MARCHF4: variants seen among roughly 807,000 people sequenced by gnomAD.
MARCHF4 encodes the protein E3 ubiquitin-protein ligase MARCHF4.
In MARCHF4, 14 loss-of-function variants were observed where a neutral mutation model predicts 43.9. The observed-to-expected ratio is 0.32, with a 90% CI of 0.21 to 0.50. The LOEUF (loss-of-function observed/expected upper bound fraction) is 0.50, where lower values mean the gene tolerates loss of function less well. MARCHF4 is among the 20% of genes least tolerant of loss of function. The pLI, the probability that MARCHF4 is intolerant of heterozygous loss-of-function variation, is 0.98. For synonymous variants in MARCHF4, 226 were observed against 213.3 expected, an observed-to-expected ratio of 1.06 and a Z score of -0.52; for missense variants, 468 against 536.7, an observed-to-expected ratio of 0.87 and a Z score of 1.27.
chr2:216,358,992 G>A (rs1334601288), intron 1 of MARCHF4, among the ~76,000 whole-genome samples: 2 of 152,190 alleles, frequency 1.3e-5, no homozygotes, highest in Non-Finnish European at 2.9e-5. Flanking sequence ...CTTCACTCAA[G>A]AATACCCTCA....
Position 216,302,520 on chromosome 2 carries a change from G to A in MARCHF4, c.517-18791C>T, listed in dbSNP as rs142263124. On this transcript the variant is annotated intron_variant, in intron 1 of 3. Coordinates refer to ENST00000273067, the MANE Select transcript of MARCHF4 (RefSeq NM_020814.3). ...TGGGATTACAGGCATGAGCCACTGCGCCTGGCTATTTTCAAATTTTTATTG... is the reference window on the plus strand; with the variant it reads ...TGGGATTACAGGCATGAGCCACTGCACCTGGCTATTTTCAAATTTTTATTG... Among the ~76,000 whole-genome samples, 302 of 151,900 alleles carry A rather than the reference G, an allele frequency of 2.0e-3. 3 individuals are homozygous for A. The highest frequency in any genetic ancestry group is 7.1e-3 in the African/African-American group (293 of 41,398).
chr2:216,326,146 C>T (rs1375125990), intron 1 of MARCHF4, among the ~76,000 whole-genome samples: 105 of 150,910 alleles, frequency 7.0e-4, no homozygotes, highest in Non-Finnish European at 1.3e-3. Context: ...AAAAAGTGGG[C>T]GAAGGACATG....
At chr2:216,324,926 A>G (rs1691963866) in intron 1 of MARCHF4, among the ~76,000 whole-genome samples, 1 of 150,454 alleles carries the variant, frequency 6.6e-6, no homozygotes, top group Admixed American at 6.6e-5. Context: ...GCCCTCTCTC[A>G]CCACTCCTAT....
At chr2:216,283,995 C>T (rs1000115392) in intron 1 of MARCHF4, among the ~76,000 whole-genome samples, 5 of 152,118 alleles carry the variant, frequency 3.3e-5, no homozygotes, top group Non-Finnish European at 2.9e-5. Flanking sequence ...TAAGGTTCTA[C>T]GAACATGAGC....
rs563214472 is a variant in MARCHF4, at chr2:216,345,851, C to T, written c.516+23894G>A. 4.6e-5 allele frequency among the ~76,000 whole-genome samples: 7 copies of T among 152,236 alleles called. No individual in the cohort carries two copies. The East Asian group carries it at 1.4e-3, about 29-fold the overall frequency. On this transcript the variant is annotated intron_variant, in intron 1 of 3. Coordinates refer to ENST00000273067, the MANE Select transcript of MARCHF4 (RefSeq NM_020814.3). ...CCACTGAAGCCTGAGAAGCTCTATG[C>T]TAGAGAACTAACCTCTTAAATCCAC...
At chr2:216,334,692 G>A (rs1692132823) in intron 1 of MARCHF4, among the ~76,000 whole-genome samples, 1 of 152,164 alleles carries the variant, frequency 6.6e-6, no homozygotes, top group Non-Finnish European at 1.5e-5. Flanking sequence ...TGAGCCACCA[G>A]TGCGCCTGGC....
At chr2:216,336,681 A>AAATTG (rs1692160799) in intron 1 of MARCHF4, among the ~76,000 whole-genome samples, 1 of 146,770 alleles carries the variant, frequency 6.8e-6, no homozygotes, top group Non-Finnish European at 1.5e-5. Flanking sequence ...AGATCGATTC[A>AAATTG]GTGTTGGTAA....
intron 1 of MARCHF4, among the ~76,000 whole-genome samples, chr2:216,348,843 T>A (rs1692359299): frequency 6.6e-6 from 1 of 152,122 alleles, no homozygotes; most frequent in Admixed American, 6.5e-5. Context: ...ATCAGGAAAT[T>A]ATGGTACACA....
At chr2:216,281,937 T>C (rs1357796585) in intron 2 of MARCHF4, among the ~76,000 whole-genome samples, 1 of 152,190 alleles carries the variant, frequency 6.6e-6, no homozygotes, top group African/African-American at 2.4e-5. Flanking sequence ...TATCCCTAAA[T>C]GCATTTTCAC....
intron 1 of MARCHF4, among the ~76,000 whole-genome samples, chr2:216,350,591 T>C (rs1314471108): frequency 6.6e-6 from 1 of 152,122 alleles, no homozygotes; most frequent in Non-Finnish European, 1.5e-5. Context: ...GACCACCTTG[T>C]TTGACAGGTG....
chr2:216,275,761 T>G (rs1399984202), intron 3 of MARCHF4, among the ~76,000 whole-genome samples: 2 of 152,212 alleles, frequency 1.3e-5, no homozygotes, highest in Non-Finnish European at 2.9e-5. Flanking sequence ...ACCCTATTGA[T>G]GTTGAGCTTA....
chr2:216,276,849 G>C (rs6728794), intron 3 of MARCHF4, among the ~76,000 whole-genome samples: 10,330 of 152,130 alleles, frequency 0.068, 1,152 homozygotes, highest in African/African-American at 0.23. Context: ...ACAATCATCT[G>C]TTGGGGGAGG....
At chr2:216,272,694 T>C (rs541914445) in intron 3 of MARCHF4, among the ~76,000 whole-genome samples, 1 of 152,328 alleles carries the variant, frequency 6.6e-6, no homozygotes, top group Non-Finnish European at 1.5e-5. Context: ...TCGGTTTCTC[T>C]CTGTTCTTGC....
chr2:216,287,566 G>A (rs72942619), intron 1 of MARCHF4, among the ~76,000 whole-genome samples: 13,619 of 147,892 alleles, frequency 0.092, 829 homozygotes, highest in African/African-American at 0.17. Flanking sequence ...TGAAGAACAT[G>A]GTTTCATTGT....
chr2:216,278,502 G>C lies in MARCHF4; in HGVS notation c.673-638C>G, dbSNP rs13403788. Among the ~76,000 whole-genome samples, 408 of 152,318 alleles carry C rather than the reference G, an allele frequency of 2.7e-3. 1 individual carries two copies. The highest frequency in any genetic ancestry group is 8.9e-3 in the African/African-American group (372 of 41,566). ...GGCCTCCCAAAGTGCTGGGATTACAGGTGTGAGCCACCATGCCCAGCCTGC... is the reference window on the plus strand; with the variant it reads ...GGCCTCCCAAAGTGCTGGGATTACACGTGTGAGCCACCATGCCCAGCCTGC... On this transcript the variant is annotated intron_variant, in intron 2 of 3. Coordinates refer to ENST00000273067, the MANE Select transcript of MARCHF4 (RefSeq NM_020814.3).
At chr2:216,301,922 T>C (rs937642220) in intron 1 of MARCHF4, among the ~76,000 whole-genome samples, 1 of 152,208 alleles carries the variant, frequency 6.6e-6, no homozygotes, top group Non-Finnish European at 1.5e-5. Flanking sequence ...TAAACATGTC[T>C]TCGTGATTCC....
chr2:216,334,891 A>G (rs1370812433), intron 1 of MARCHF4, among the ~76,000 whole-genome samples: 1 of 152,266 alleles, frequency 6.6e-6, no homozygotes, highest in Non-Finnish European at 1.5e-5. Context: ...TACCAAATTT[A>G]CTGATTTACA....
intron 1 of MARCHF4, among the ~76,000 whole-genome samples, chr2:216,284,406 C>A (rs978723513): frequency 2.0e-5 from 3 of 152,180 alleles, no homozygotes; most frequent in Non-Finnish European, 2.9e-5. Flanking sequence ...GCATTGGGCT[C>A]ACTCTCCAGA....
Position 216,283,834 on chromosome 2 carries a change from T to C in MARCHF4, c.517-105A>G, listed in dbSNP as rs1691175307. ...TGCAGCCTGGTTTGAGCCACCCAAG[T>C]AGGCCACAGGCTTTGTTTGGGGGCA... On this transcript the variant is annotated intron_variant, in intron 1 of 3. Transcript: ENST00000273067. The C allele has an allele frequency of 1.2e-5, 15 of 1,244,600 alleles. No individual in the cohort carries two copies. In the South Asian group the frequency reaches 2.3e-4, roughly 19 times the overall value. The allele number at this position is 1,244,600 out of a possible 1,614,324, so 77.1% of individuals were successfully genotyped here.
Sources: allele counts gnomAD v4.1 joint callset (sites outside exome capture counted in the v4.1 genomes callset), GRCh38; gene constraint gnomAD v4.1.1; transcripts MANE v1.5; gene names NCBI Gene and HGNC (gene_info 2026-07-23, HGNC 2026-07-21).